The following ZNF81 variants were observed in gnomAD, a reference collection of about 807,000 sequenced individuals.
ZNF81 encodes zinc finger protein 81, also known as zinc finger protein 81 (HFZ20).
ZNF81 carries 5 observed loss-of-function variants against 32.3 expected under a neutral mutation model. The observed-to-expected ratio is 0.15, with a 90% CI of 0.08 to 0.33. The LOEUF (loss-of-function observed/expected upper bound fraction) is 0.33. ZNF81 is among the 10% of genes least tolerant of loss of function. ZNF81 has a pLI of 1.00. For missense variants in ZNF81, 379 were observed against 479.8 expected (o/e 0.79, Z 1.96); for synonymous variants, 163 against 166.8 (o/e 0.98, Z 0.17).
intron 4 of ZNF81, among the ~76,000 whole-genome samples, chrX:47,905,160 C>T: frequency 9.3e-6 from 1 of 108,081 alleles, no homozygotes; most frequent in Middle Eastern, 4.7e-3. Flanking sequence ...ACATGTATAC[C>T]TATGTAACAA....
chrX:47,902,889 C>G (rs887838699), intron 4 of ZNF81, among the ~76,000 whole-genome samples: 1 of 111,310 alleles, frequency 9.0e-6, no homozygotes, highest in African/African-American at 3.3e-5. Context: ...CCCATCTCTA[C>G]TAAAAATATA....
At chrX:47,904,250 A>C (rs2058711146) in intron 4 of ZNF81, among the ~76,000 whole-genome samples, 1 of 110,703 alleles carries the variant, frequency 9.0e-6, no homozygotes, top group Non-Finnish European at 1.9e-5. Flanking sequence ...TGCACAGCAA[A>C]AGAAACTACC....
At position 47,921,428 on chromosome X, in the gene ZNF81, C is replaced by A. The variant is rs2058776615; in HGVS notation, c.*4796C>A. The A allele has an allele frequency of 9.1e-6, 1 of 109,997 alleles. No individual in the cohort carries two copies. The highest frequency in any genetic ancestry group is 1.9e-5 in the Non-Finnish European group (1 of 52,736). The allele number at this position is 109,997 out of a possible 1,213,427, so 9.1% of individuals were successfully genotyped here. ...CCATCCCAGTTGAGATACCCTACAC[C>A]AACCAGATTTTCAACTGCTGGACAT... On this transcript the variant is annotated 3_prime_UTR_variant, in exon 5 of 5. Coordinates refer to ENST00000338637, the MANE Select transcript of ZNF81 (RefSeq NM_007137.5).
chrX:47,877,002 G>A (rs2058602310), intron 2 of ZNF81, among the ~76,000 whole-genome samples: 1 of 111,979 alleles, frequency 8.9e-6, no homozygotes, highest in Admixed American at 9.4e-5. Context: ...GGGAGTCCCT[G>A]AACAGGAGAA....
chrX:47,913,300 G>T lies in ZNF81; in HGVS notation c.278-1624G>T, dbSNP rs2058745388. Among the ~76,000 whole-genome samples, 4 of 111,466 alleles carry T rather than the reference G, an allele frequency of 3.6e-5. No individual in the cohort carries two copies. In the South Asian group the frequency reaches 1.5e-3, roughly 42 times the overall value. ...AGCTGAGGCAGGAGGATGGCTTGAG[G>T]CTAGGGGTTTGAGACCAGCCTGGGC... On this transcript the variant is annotated intron_variant, in intron 4 of 4. Transcript: ENST00000338637.
intron 2 of ZNF81, among the ~76,000 whole-genome samples, chrX:47,847,875 A>T (rs1556880703): frequency 9.0e-6 from 1 of 111,572 alleles, no homozygotes; most frequent in Non-Finnish European, 1.9e-5. Flanking sequence ...CCTGACACTA[A>T]ATTTGTCTTT....
intron 4 of ZNF81, among the ~76,000 whole-genome samples, chrX:47,906,884 C>T (rs2058722778): frequency 8.9e-6 from 1 of 112,519 alleles, no homozygotes; most frequent in Non-Finnish European, 1.9e-5. Context: ...TTTGGCAAGC[C>T]ATTTTTCCTG....
intron 2 of ZNF81, among the ~76,000 whole-genome samples, chrX:47,851,278 T>G (rs1556881203): frequency 8.9e-6 from 1 of 111,774 alleles, no homozygotes; most frequent in Non-Finnish European, 1.9e-5. Context: ...GATATATACA[T>G]TTTTACTCTT....
At chrX:47,846,582 T>C (rs2058471835) in intron 2 of ZNF81, among the ~76,000 whole-genome samples, 1 of 112,004 alleles carries the variant, frequency 8.9e-6, no homozygotes, top group Non-Finnish European at 1.9e-5. Flanking sequence ...TTCTTGCATA[T>C]TTTTATGAAT....
chrX:47,857,833 G>A (rs1556882081), intron 2 of ZNF81, among the ~76,000 whole-genome samples: 1 of 111,404 alleles, frequency 9.0e-6, no homozygotes, highest in African/African-American at 3.3e-5. Flanking sequence ...TGTTAGGTGG[G>A]TTTTGGGCCA....
At chrX:47,880,854 C>T (rs978499046) in intron 2 of ZNF81, among the ~76,000 whole-genome samples, 2 of 111,727 alleles carry the variant, frequency 1.8e-5, no homozygotes, top group Non-Finnish European at 3.8e-5. Context: ...TTATTTCTTA[C>T]AGTTATGGAG....
intron 4 of ZNF81, among the ~76,000 whole-genome samples, chrX:47,900,945 G>A (rs1004402486): frequency 3.6e-5 from 4 of 110,336 alleles, no homozygotes; most frequent in Non-Finnish European, 7.6e-5. Context: ...GATTCCTCTC[G>A]CAAAAGGATT....
intron 2 of ZNF81, among the ~76,000 whole-genome samples, chrX:47,846,571 A>G (rs1370817202): frequency 9.0e-6 from 1 of 111,611 alleles, no homozygotes; most frequent in African/African-American, 3.3e-5. Context: ...GCCCTTTATC[A>G]TTCTTGCATA....
chrX:47,893,244 G>A (rs896566452), intron 3 of ZNF81, among the ~76,000 whole-genome samples: 3 of 110,224 alleles, frequency 2.7e-5, no homozygotes, highest in African/African-American at 9.9e-5. Context: ...AGTTTGAAGA[G>A]TGACCTATGC....
intron 2 of ZNF81, among the ~76,000 whole-genome samples, chrX:47,866,747 A>G (rs1457730840): frequency 2.7e-5 from 3 of 111,683 alleles, no homozygotes; most frequent in African/African-American, 9.8e-5. Flanking sequence ...TGATGTTTAT[A>G]TATCAAAGAG....
intron 4 of ZNF81, among the ~76,000 whole-genome samples, chrX:47,904,261 A>C (rs1603206470): frequency 9.1e-6 from 1 of 110,214 alleles, no homozygotes; most frequent in South Asian, 3.9e-4. Context: ...AGAAACTACC[A>C]TGAGTGAACA....
chrX:47,902,246 AAT>A (rs782107148), intron 4 of ZNF81, among the ~76,000 whole-genome samples: 1 of 111,175 alleles, frequency 9.0e-6, no homozygotes, highest in Non-Finnish European at 1.9e-5. Context: ...ATTCAACAGG[AAT>A]ATATATATAT....
chrX:47,908,050 G>A (rs926715024), intron 4 of ZNF81, among the ~76,000 whole-genome samples: 2 of 111,023 alleles, frequency 1.8e-5, no homozygotes, highest in Non-Finnish European at 3.8e-5. Context: ...ATAGTAAATT[G>A]AACTATATTA....
intron 1 of ZNF81, among the ~76,000 whole-genome samples, chrX:47,837,224 G>T (rs914351337): frequency 1.8e-5 from 2 of 111,404 alleles, no homozygotes; most frequent in Admixed American, 1.9e-4. Flanking sequence ...TCAAAAGTGG[G>T]GTTTCAGTGT....
Sources: gnomAD v4.1 joint callset for allele counts (sites outside exome capture counted in the v4.1 genomes callset) on GRCh38, gnomAD v4.1.1 for gene constraint, MANE v1.5 for transcripts, NCBI Gene and HGNC (gene_info 2026-07-23, HGNC 2026-07-21) for gene names.